Variants in CDC37L1 observed in about 807,000 individuals in gnomAD.
CDC37L1 encodes the protein hsp90 co-chaperone Cdc37-like 1.
Under a neutral mutation model 45.9 loss-of-function variants are expected in CDC37L1, and 32 were observed. The observed-to-expected ratio is 0.70, with a 90% CI of 0.53 to 0.94. The LOEUF (loss-of-function observed/expected upper bound fraction) is 0.94, where lower values mean the gene tolerates loss of function less well. Ranked by LOEUF, CDC37L1 falls within the 40% of genes least tolerant of loss-of-function variation. CDC37L1 has a pLI of 0.00. For synonymous variants in CDC37L1, 150 were observed against 133.0 expected (o/e 1.13, Z -0.88); for missense variants, 434 against 405.7 (o/e 1.07, Z -0.60).
At chr9:4,692,081 C>T (rs921363671) in intron 3 of CDC37L1, among the ~76,000 whole-genome samples, 18 of 152,044 alleles carry the variant, frequency 1.2e-4, no homozygotes, top group East Asian at 1.9e-4. Flanking sequence ...TTACCAAGAG[C>T]TATAAAAGTT....
chr9:4,698,627 A>C (rs374913281), intron 5 of CDC37L1, among the ~76,000 whole-genome samples: 4 of 152,082 alleles, frequency 2.6e-5, no homozygotes, highest in African/African-American at 9.7e-5. Context: ...GTAAAGTTGA[A>C]CAAGTGCCTG....
At chr9:4,694,371 C>T (rs545640354) in intron 3 of CDC37L1, among the ~76,000 whole-genome samples, 3 of 151,876 alleles carry the variant, frequency 2.0e-5, no homozygotes, top group African/African-American at 7.2e-5. Flanking sequence ...TGAGCTACTG[C>T]GCCCCACCTG....
chr9:4,686,321 G>A (rs1460209936), intron 2 of CDC37L1, among the ~76,000 whole-genome samples: 2 of 152,140 alleles, frequency 1.3e-5, no homozygotes, highest in Non-Finnish European at 2.9e-5. Flanking sequence ...TACTTTAACA[G>A]TGAGTCATAT....
intron 2 of CDC37L1, among the ~76,000 whole-genome samples, chr9:4,687,896 G>A (rs1203037996): frequency 1.3e-5 from 2 of 152,210 alleles, no homozygotes; most frequent in South Asian, 2.1e-4. Flanking sequence ...TATAAAGGAT[G>A]TTTCTATACC....
intron 5 of CDC37L1, among the ~76,000 whole-genome samples, chr9:4,700,000 T>TA (rs947992049): frequency 4.5e-4 from 68 of 151,484 alleles, no homozygotes; most frequent in African/African-American, 1.2e-3. Context: ...ATTTTTATAT[T>TA]AAAAAAAAAC....
At chr9:4,701,573 ATACAGAGAAAGCC>A (rs113137891) in intron 5 of CDC37L1, among the ~76,000 whole-genome samples, 5,592 of 152,304 alleles carry the variant, frequency 0.037, 356 homozygotes, top group African/African-American at 0.13. Context: ...GTCAAGGAAA[ATACAGAGAAAGCC>A]TTCTTTTCTT....
chr9:4,684,587 CTA>C (rs1313017515), intron 1 of CDC37L1, among the ~76,000 whole-genome samples: 3 of 152,096 alleles, frequency 2.0e-5, no homozygotes, highest in Non-Finnish European at 4.4e-5. Flanking sequence ...ATTATGAAGA[CTA>C]TTAATTAAAC....
rs779334297 is a variant in CDC37L1, at chr9:4,679,728, G to A, written c.-40G>A. 1 of 1,579,522 alleles carries A rather than the reference G, an allele frequency of 6.3e-7. No individual in the cohort carries two copies. The highest frequency in any genetic ancestry group is 1.1e-5 in the South Asian group (1 of 88,406). On this transcript the variant is annotated 5_prime_UTR_variant, in exon 1 of 7. Transcript: ENST00000381854. ...GCCAAGTCTGTTGGCAGTGGCAGTT[G>A]TAGGGCCAAGGGCGGTTGTAGGACC...
intron 2 of CDC37L1, chr9:4,685,513 T>C: frequency 5.8e-6 from 1 of 171,768 alleles, no homozygotes; most frequent in South Asian, 1.4e-4. Flanking sequence ...CCTACACTGA[T>C]TATCACTACT....
At chr9:4,703,312 A>T (rs926844843) in intron 6 of CDC37L1, 16 of 373,128 alleles carry the variant, frequency 4.3e-5, no homozygotes, top group Middle Eastern at 6.9e-4. Context: ...TATTTACCCC[A>T]GTCAAAAATA....
chr9:4,696,598 T>C (rs1841350322), intron 3 of CDC37L1, among the ~76,000 whole-genome samples: 1 of 152,208 alleles, frequency 6.6e-6, no homozygotes, highest in East Asian at 1.9e-4. Flanking sequence ...TGGTATTGAC[T>C]TTGACCAAAT....
Position 4,681,862 on chromosome 9 carries a change from G to A in CDC37L1, c.132+1963G>A, listed in dbSNP as rs190570532. Among the ~76,000 whole-genome samples the A allele has an allele frequency of 6.1e-4, 93 of 152,244 alleles. 1 individual carries two copies. In the Middle Eastern group the frequency reaches 0.017, roughly 28 times the overall value. On this transcript the variant is annotated intron_variant, in intron 1 of 6. Transcript: ENST00000381854. Reference sequence around the variant, plus strand: ...GACTTCTTAATGTAGTATGTGATATGTAGTTCTTAGATCCAATTAATGTAA... The same window carrying A: ...GACTTCTTAATGTAGTATGTGATATATAGTTCTTAGATCCAATTAATGTAA...
intron 5 of CDC37L1, among the ~76,000 whole-genome samples, chr9:4,699,021 C>T (rs978808414): frequency 3.3e-5 from 5 of 151,828 alleles, no homozygotes; most frequent in South Asian, 2.1e-4. Context: ...TTTAAAAATT[C>T]CTCAGTTTTC....
intron 1 of CDC37L1, among the ~76,000 whole-genome samples, chr9:4,683,478 C>T (rs188539649): frequency 2.6e-4 from 40 of 151,878 alleles, no homozygotes; most frequent in Admixed American, 6.6e-5. Context: ...GGAGTTACCT[C>T]GAAGAAAGAG....
chr9:4,686,383 C>T (rs562675799), intron 2 of CDC37L1, among the ~76,000 whole-genome samples: 7 of 152,200 alleles, frequency 4.6e-5, no homozygotes, highest in African/African-American at 1.7e-4. Flanking sequence ...TTTTTCTCCC[C>T]CTCCACAATG....
At chr9:4,704,519 A>T (rs1409123304) in intron 6 of CDC37L1, among the ~76,000 whole-genome samples, 1 of 152,192 alleles carries the variant, frequency 6.6e-6, no homozygotes, top group African/African-American at 2.4e-5. Flanking sequence ...AGTTTTGGAG[A>T]ATCTCCTCAG....
Position 4,705,343 on chromosome 9 carries a change from A to G in CDC37L1, c.913-668A>G, listed in dbSNP as rs1354707648. Among the ~76,000 whole-genome samples, 3 of 152,130 alleles carry G rather than the reference A, an allele frequency of 2.0e-5. No individual in the cohort carries two copies. In the East Asian group the frequency reaches 5.8e-4, roughly 29 times the overall value. ...TACCCTTATTCATGGTGCTTTAATA[A>G]TGGTTTTATTTTTGCATTTATTGAG... On this transcript the variant is annotated intron_variant, in intron 6 of 6. Transcript: ENST00000381854.
rs975082960 is a variant in CDC37L1, at chr9:4,708,030, T to C, written c.*1918T>C. 1 of 152,248 alleles carries C rather than the reference T, an allele frequency of 6.6e-6. No individual in the cohort carries two copies. The highest frequency in any genetic ancestry group is 1.5e-5 in the Non-Finnish European group (1 of 68,044). 9.4% of individuals were successfully genotyped at this position (152,248 alleles called of 1,614,324 possible). Reference sequence around the variant, plus strand: ...TTCTTTGAAACTTGATTTATATATTTTTACTTGCAAAAGAATATACTGTGT... The same window carrying C: ...TTCTTTGAAACTTGATTTATATATTCTTACTTGCAAAAGAATATACTGTGT... On this transcript the variant is annotated 3_prime_UTR_variant, in exon 7 of 7. Coordinates refer to ENST00000381854, the MANE Select transcript of CDC37L1 (RefSeq NM_017913.4).
chr9:4,690,338 C>G (rs1841289014), intron 3 of CDC37L1, among the ~76,000 whole-genome samples: 1 of 152,166 alleles, frequency 6.6e-6, no homozygotes, highest in Non-Finnish European at 1.5e-5. Flanking sequence ...ACCAGTCCCT[C>G]TGAGATGAAG....
Sources: allele counts gnomAD v4.1 joint callset (sites outside exome capture counted in the v4.1 genomes callset), GRCh38; gene constraint gnomAD v4.1.1; transcripts MANE v1.5; gene names NCBI Gene and HGNC (gene_info 2026-07-23, HGNC 2026-07-21).